The following SCFD2 variants were observed in gnomAD, a reference collection of about 807,000 sequenced individuals.
SCFD2 encodes the protein sec1 family domain containing 2, also known as sec1 family domain-containing protein 2.
Under a neutral mutation model 58.9 loss-of-function variants are expected in SCFD2, and 54 were observed. The ratio of observed to expected loss-of-function variants is 0.92; its 90% CI spans 0.74 to 1.15. The LOEUF (loss-of-function observed/expected upper bound fraction) is 1.15. Among genes scored for constraint, SCFD2 ranks in the 50% most tolerant of loss-of-function variants. The pLI, the probability that SCFD2 is intolerant of heterozygous loss-of-function variation, is 0.00. For synonymous variants in SCFD2, 321 were observed against 335.9 expected (o/e 0.96, Z 0.49); for missense variants, 805 against 836.6 (o/e 0.96, Z 0.47).
At chr4:52,929,250 C>A (rs549419109) in intron 5 of SCFD2, among the ~76,000 whole-genome samples, 32 of 152,192 alleles carry the variant, frequency 2.1e-4, no homozygotes, top group African/African-American at 7.7e-4. Context: ...AGCAAAGTGC[C>A]AGGATAGGGT....
chr4:53,207,964 T>C (rs1728488051), intron 4 of SCFD2, among the ~76,000 whole-genome samples: 1 of 151,138 alleles, frequency 6.6e-6, no homozygotes. Context: ...CTTTTCTTTT[T>C]TTTTTTCCCC....
chr4:53,237,930 AC>A (rs1729710590), intron 4 of SCFD2, among the ~76,000 whole-genome samples: 1 of 107,390 alleles, frequency 9.3e-6, no homozygotes, highest in Non-Finnish European at 1.9e-5. Context: ...TCCCTTCCGG[AC>A]GGGGCGGCTG....
At chr4:52,996,554 T>G (rs2148797847) in intron 5 of SCFD2, among the ~76,000 whole-genome samples, 1 of 152,342 alleles carries the variant, frequency 6.6e-6, no homozygotes, top group Admixed American at 6.5e-5. Context: ...CTTCCCCTTC[T>G]GAGAAATAAA....
At chr4:52,912,831 G>T (rs1350868120) in intron 6 of SCFD2, among the ~76,000 whole-genome samples, 2 of 152,158 alleles carry the variant, frequency 1.3e-5, no homozygotes, top group African/African-American at 4.8e-5. Flanking sequence ...AGCCAGGAAT[G>T]ACTCACTTCT....
intron 5 of SCFD2, among the ~76,000 whole-genome samples, chr4:53,069,665 C>G (rs914702325): frequency 1.3e-5 from 2 of 151,648 alleles, no homozygotes; most frequent in South Asian, 2.1e-4. Context: ...TGTTTTTTCC[C>G]CCAGTAATAA....
chr4:52,907,538 C>G lies in SCFD2; in HGVS notation c.1761G>C (p.Glu587Asp). 6.2e-7 allele frequency: 1 copy of G among 1,613,984 alleles called. No homozygotes were observed. Among genetic ancestry groups the G allele is most frequent in the Non-Finnish European group, 8.5e-7 (1 of 1,179,938 alleles). Residue 587 changes from glutamate (E) to aspartate (D), a missense_variant, in exon 7 of 9, where the codon GAG (glutamate) becomes GAC (aspartate). By Grantham distance (45) the Glu-to-Asp change is conservative (BLOSUM62 2). Coordinates refer to ENST00000401642, the MANE Select transcript of SCFD2 (RefSeq NM_152540.4). ...KQVVEEIFHP[E>D]RPDSVDIEHM... ...GTTCAATATCAACGGAATCTGGCCT[C>G]TCGGGATGAAATATTTCCTCCACAA...
intron 5 of SCFD2, among the ~76,000 whole-genome samples, chr4:53,082,279 T>C (rs544564890): frequency 6.6e-6 from 1 of 152,296 alleles, no homozygotes; most frequent in East Asian, 1.9e-4. Flanking sequence ...CATTTTCCAG[T>C]CTAGCTCCAC....
At position 53,336,363 on chromosome 4, in the gene SCFD2, A is replaced by C. The variant is rs575389021; in HGVS notation, c.1007+16235T>G. The stretch of plus-strand genomic sequence containing the variant: ...GGCTTTCTATAAAGTACAAATATAA[A>C]GACTGCTTTTAGAGTAAAAGAAAAA... On this transcript the variant is annotated intron_variant, in intron 2 of 8. Coordinates refer to ENST00000401642, the MANE Select transcript of SCFD2 (RefSeq NM_152540.4). Among the ~76,000 whole-genome samples the C allele has an allele frequency of 1.2e-4, 18 of 152,306 alleles. No individual in the cohort carries two copies. In the East Asian group the frequency reaches 1.3e-3, roughly 11 times the overall value.
At chr4:53,117,470 A>T (rs1725356364) in intron 5 of SCFD2, among the ~76,000 whole-genome samples, 1 of 152,176 alleles carries the variant, frequency 6.6e-6, no homozygotes, top group Non-Finnish European at 1.5e-5. Flanking sequence ...TGTACAGGTG[A>T]TCAACACTAT....
intron 5 of SCFD2, among the ~76,000 whole-genome samples, chr4:53,048,530 G>A (rs1391553766): frequency 1.3e-5 from 2 of 152,144 alleles, no homozygotes; most frequent in African/African-American, 4.8e-5. Context: ...GAGCCCAGGA[G>A]TTTGAGAACA....
Position 53,278,067 on chromosome 4 carries a change from A to C in SCFD2, c.1136-4066T>G, listed in dbSNP as rs531169339. Reference sequence around the variant, plus strand: ...ACTCCGTCTCAAAACAAAAAACAAAAAAAAAAAAAACAGTCCTCGCCAGGC... The same window carrying C: ...ACTCCGTCTCAAAACAAAAAACAAACAAAAAAAAAACAGTCCTCGCCAGGC... On this transcript the variant is annotated intron_variant, in intron 3 of 8. Transcript: ENST00000401642. 3.0e-4 allele frequency among the ~76,000 whole-genome samples: 41 copies of C among 138,856 alleles called. No homozygotes were observed. In the East Asian group the frequency reaches 3.6e-3, roughly 12 times the overall value. 91.1% of individuals were successfully genotyped at this position (138,856 alleles called of 152,430 possible). A position where few individuals can be genotyped will look rare whatever the true frequency, so the allele number is the denominator to read the frequency against.
intron 4 of SCFD2, among the ~76,000 whole-genome samples, chr4:53,250,159 G>A (rs564563350): frequency 2.6e-4 from 40 of 152,128 alleles, no homozygotes; most frequent in African/African-American, 3.6e-4. Context: ...CCCTAGTCTC[G>A]GATAAAACAG....
In SCFD2 at chr4:52,873,794, C is replaced by T. The variant is rs1295227400; in HGVS notation, c.*175G>A. The T allele has an allele frequency of 2.3e-5, 8 of 350,252 alleles. No individual in the cohort carries two copies. The highest frequency in any genetic ancestry group is 8.6e-5 in the South Asian group (1 of 11,610). 21.7% of individuals were successfully genotyped at this position (350,252 alleles called of 1,614,324 possible). On this transcript the variant is annotated 3_prime_UTR_variant, in exon 9 of 9. Coordinates refer to ENST00000401642, the MANE Select transcript of SCFD2 (RefSeq NM_152540.4). ...ACTTTTTTTTTTTTTTTTTAAGAAT[C>T]ACAGCAATCCAAGCAAAGTACCTCA...
chr4:53,129,318 C>T (rs555236737), intron 5 of SCFD2, among the ~76,000 whole-genome samples: 2 of 152,314 alleles, frequency 1.3e-5, no homozygotes, highest in Admixed American at 1.3e-4. Context: ...AAAATTAATA[C>T]TCCACTTGGG....
intron 5 of SCFD2, among the ~76,000 whole-genome samples, chr4:52,975,213 T>C (rs1721219236): frequency 6.6e-6 from 1 of 152,174 alleles, no homozygotes; most frequent in South Asian, 2.1e-4. Context: ...CAAAAGAAAC[T>C]ACCACTAGAG....
rs188784383 is a variant in SCFD2 at position 52,925,304 on chromosome 4, A to G, written c.1562-4434T>C. Reference sequence around the variant, plus strand: ...GCTATATGTGCTATTTTATATATATATGTACTATATGTGCTATTTCATATC... The same window carrying G: ...GCTATATGTGCTATTTTATATATATGTGTACTATATGTGCTATTTCATATC... On this transcript the variant is annotated intron_variant, in intron 5 of 8. Coordinates refer to ENST00000401642, the MANE Select transcript of SCFD2 (RefSeq NM_152540.4). 4.1e-3 allele frequency among the ~76,000 whole-genome samples: 623 copies of G among 150,634 alleles called. 8 individuals carry two copies. The highest frequency in any genetic ancestry group is 0.014 in the African/African-American group (592 of 41,138).
chr4:53,134,496 A>G (rs999263290), intron 5 of SCFD2, among the ~76,000 whole-genome samples: 6 of 152,234 alleles, frequency 3.9e-5, no homozygotes, highest in Non-Finnish European at 7.3e-5. Context: ...AACTAAAATC[A>G]AAATTTTTAA....
chr4:53,049,350 A>G (rs1373358811), intron 5 of SCFD2, among the ~76,000 whole-genome samples: 2 of 151,714 alleles, frequency 1.3e-5, no homozygotes, highest in Non-Finnish European at 2.9e-5. Flanking sequence ...AGTGTAGATT[A>G]TTGGTACTAA....
chr4:52,915,125 T>C (rs1043285758), intron 6 of SCFD2, among the ~76,000 whole-genome samples: 8 of 152,174 alleles, frequency 5.3e-5, no homozygotes, highest in Non-Finnish European at 8.8e-5. Context: ...ACATAATATA[T>C]AGTAAGTCAG....
Sources: gnomAD v4.1 joint callset for allele counts (sites outside exome capture counted in the v4.1 genomes callset) on GRCh38, gnomAD v4.1.1 for gene constraint, MANE v1.5 for transcripts, NCBI Gene and HGNC (gene_info 2026-07-23, HGNC 2026-07-21) for gene names.